The following DUSP22 variants were observed in gnomAD, a reference collection of about 807,000 sequenced individuals.
DUSP22 encodes the protein dual specificity protein phosphatase 22.
In DUSP22, 24 loss-of-function variants were observed where a neutral mutation model predicts 24.5. The observed-to-expected ratio is 0.98, with a 90% confidence interval of 0.71 to 1.38. DUSP22 has a LOEUF of 1.38. DUSP22 is among the 40% of genes most tolerant of loss of function. The pLI is 0.00. For missense variants in DUSP22, 330 were observed against 269.2 expected, an observed-to-expected ratio of 1.23 and a Z score of -1.58; for synonymous variants, 160 against 106.4, an observed-to-expected ratio of 1.50 and a Z score of -3.10.
intron 3 of DUSP22, among the ~76,000 whole-genome samples, chr6:314,335 G>A (rs1238096295): frequency 6.6e-6 from 1 of 152,278 alleles, no homozygotes; most frequent in African/African-American, 2.4e-5. Context: ...TAGGAAGTGG[G>A]AAGGTAGCTA....
intron 1 of DUSP22, among the ~76,000 whole-genome samples, chr6:297,645 T>C (rs1453880895): frequency 2.0e-5 from 3 of 152,300 alleles, no homozygotes; most frequent in African/African-American, 7.2e-5. Flanking sequence ...TTGGCAGATA[T>C]CCCCTGGGGA....
chr6:336,730 G>T (rs899163218), intron 4 of DUSP22, among the ~76,000 whole-genome samples: 1 of 152,304 alleles, frequency 6.6e-6, no homozygotes, highest in Non-Finnish European at 1.5e-5. Context: ...GATGGTGGAG[G>T]GGGGATTTTC....
intron 6 of DUSP22, 50 bp downstream of exon 6, chr6:348,324 G>A (rs199657339): frequency 2.0e-3 from 3,237 of 1,607,022 alleles, no homozygotes; most frequent in Middle Eastern, 9.8e-3. Flanking sequence ...GCCCCTGAAC[G>A]GTGCCCACAG....
chr6:319,365 A>G (rs1254268648), intron 3 of DUSP22, among the ~76,000 whole-genome samples: 1 of 152,310 alleles, frequency 6.6e-6, no homozygotes, highest in Admixed American at 6.5e-5. Context: ...ATGTCAGGCA[A>G]GCTACATCCT....
At position 350,167 on chromosome 6, in the gene DUSP22, A is replaced by G; in HGVS notation, c.*1216A>G. The G allele has an allele frequency of 1.0e-6, 1 of 986,354 alleles. No homozygotes were observed. Among genetic ancestry groups the G allele is most frequent in the South Asian group, 4.7e-5 (1 of 21,318 alleles). 61.1% of individuals were successfully genotyped at this position (986,354 alleles called of 1,614,324 possible). Reference sequence around the variant, plus strand: ...GCCTCACAGTTGAAAATGTTCGGTCATGATTGCTTTTGAAACCAAAGGGGA... The same window carrying G: ...GCCTCACAGTTGAAAATGTTCGGTCGTGATTGCTTTTGAAACCAAAGGGGA... On this transcript the variant is annotated 3_prime_UTR_variant, in exon 7 of 7. Coordinates refer to ENST00000419235, the MANE Select transcript of DUSP22 (RefSeq NM_001286555.3).
Position 348,880 on chromosome 6 carries a change from G to C in DUSP22, c.547G>C (p.Gly183Arg), listed in dbSNP as rs199974100. The C allele has an allele frequency of 4.3e-6, 7 of 1,614,190 alleles. No individual in the cohort carries two copies. The highest frequency in any genetic ancestry group is 5.9e-6 in the Non-Finnish European group (7 of 1,179,998). The change falls in exon 7 of 7, where the codon GGC (glycine) becomes CGC (arginine). Residue 183 changes from glycine (G) to arginine (R), a missense_variant. Transcript: ENST00000419235. ...GCAAGGGCGCACAGAGCCCCAGCCCGGCGCCAGGCGGTGGAGCAGTTTTCC... is the reference window on the plus strand; with the variant it reads ...GCAAGGGCGCACAGAGCCCCAGCCCCGCGCCAGGCGGTGGAGCAGTTTTCC... ...KEQGRTEPQP[G>R]ARRWSSFPAL...
At chr6:319,252 G>C (rs966897345) in intron 3 of DUSP22, among the ~76,000 whole-genome samples, 4 of 152,306 alleles carry the variant, frequency 2.6e-5, no homozygotes, top group Non-Finnish European at 5.9e-5. Context: ...CATGCTCTGG[G>C]TGTCTGGTAA....
At chr6:303,433 G>A (rs1352276066) in intron 1 of DUSP22, among the ~76,000 whole-genome samples, 2 of 152,312 alleles carry the variant, frequency 1.3e-5, no homozygotes, top group Non-Finnish European at 2.9e-5. Flanking sequence ...TAGATCCCCT[G>A]CAATCACTAG....
At chr6:330,167 CA>C in intron 3 of DUSP22, among the ~76,000 whole-genome samples, 1 of 152,420 alleles carries the variant, frequency 6.6e-6, no homozygotes, top group East Asian at 1.9e-4. Flanking sequence ...ACTGCTGCCG[CA>C]CAGGCTGAGA....
chr6:302,328 G>A (rs548364295), intron 1 of DUSP22, among the ~76,000 whole-genome samples: 54 of 152,388 alleles, frequency 3.5e-4, no homozygotes, highest in African/African-American at 1.3e-3. Flanking sequence ...AGTGGCCAGT[G>A]GCCACAGTGT....
intron 1 of DUSP22, among the ~76,000 whole-genome samples, chr6:296,679 C>T (rs934644241): frequency 6.6e-6 from 1 of 152,292 alleles, no homozygotes; most frequent in South Asian, 2.1e-4. Flanking sequence ...CTACAATACC[C>T]CATTAAAAAC....
At chr6:322,841 G>C (rs368236935) in intron 3 of DUSP22, among the ~76,000 whole-genome samples, 569 of 144,432 alleles carry the variant, frequency 3.9e-3, no homozygotes, top group South Asian at 0.013. Context: ...GGGGCGGGGG[G>C]GGGCCTTCGA....
rs760481463 is a variant in DUSP22 at position 350,875 on chromosome 6, T to C, written c.*1924T>C. The stretch of plus-strand genomic sequence containing the variant: ...CTTTCTCAGAAGACTGTAATGTACC[T>C]GAAGTTTCTGAAATATTGCAAACCC... On this transcript the variant is annotated 3_prime_UTR_variant, in exon 7 of 7. Coordinates refer to ENST00000419235, the MANE Select transcript of DUSP22 (RefSeq NM_001286555.3). 5.0e-6 allele frequency: 8 copies of C among 1,614,092 alleles called. No homozygotes were observed. In the African/African-American group the frequency reaches 1.1e-4, roughly 22 times the overall value.
chr6:333,940 A>G (rs541015419), intron 3 of DUSP22, among the ~76,000 whole-genome samples: 1 of 152,426 alleles, frequency 6.6e-6, no homozygotes, highest in Admixed American at 6.5e-5. Context: ...AGGGGCTATT[A>G]AAATGTGTAG....
chr6:300,179 A>G (rs1757515566), intron 1 of DUSP22, among the ~76,000 whole-genome samples: 1 of 152,308 alleles, frequency 6.6e-6, no homozygotes, highest in South Asian at 2.1e-4. Context: ...TTCCCATAAA[A>G]CAGCCTGGAA....
At chr6:295,314 G>A (rs1019744678) in intron 1 of DUSP22, among the ~76,000 whole-genome samples, 3 of 152,274 alleles carry the variant, frequency 2.0e-5, no homozygotes, top group Admixed American at 6.5e-5. Context: ...AGTGCTTTGG[G>A]ACAGCAGTTT....
chr6:350,836 C>G lies in DUSP22; in HGVS notation c.*1885C>G, dbSNP rs779618478. 1 of 1,614,278 alleles carries G rather than the reference C, an allele frequency of 6.2e-7. No individual in the cohort carries two copies. The highest frequency in any genetic ancestry group is 8.5e-7 in the Non-Finnish European group (1 of 1,180,036). ...TTTCTTCACAGCCGCTCCGGGAATT[C>G]TGAAGTTCTGGGCCTTTCTCAGAAG... On this transcript the variant is annotated 3_prime_UTR_variant, in exon 7 of 7. Coordinates refer to ENST00000419235, the MANE Select transcript of DUSP22 (RefSeq NM_001286555.3).
At chr6:346,077 C>T (rs988094492) in intron 5 of DUSP22, 149 bp downstream of exon 5, 56 of 1,016,528 alleles carry the variant, frequency 5.5e-5, no homozygotes, top group Non-Finnish European at 6.4e-5. Flanking sequence ...ATTTGTCCAG[C>T]GCTGTGTGTT....
chr6:339,643 A>C (rs887440586), intron 4 of DUSP22, among the ~76,000 whole-genome samples: 1 of 152,298 alleles, frequency 6.6e-6, no homozygotes, highest in African/African-American at 2.4e-5. Context: ...TGTGACATTC[A>C]GTGGTTTTAG....
Sources: allele counts gnomAD v4.1 joint callset (sites outside exome capture counted in the v4.1 genomes callset), GRCh38; gene constraint gnomAD v4.1.1; transcripts MANE v1.5; gene names NCBI Gene and HGNC (gene_info 2026-07-23, HGNC 2026-07-21).